The following FAM89A variants were observed in gnomAD, a reference collection of about 807,000 sequenced individuals.
FAM89A encodes the protein family with sequence similarity 89 member A.
Under a neutral mutation model 7.1 loss-of-function variants are expected in FAM89A, and 10 were observed. That is an observed-to-expected ratio of 1.40 (90% CI 0.86 to 2.38). The LOEUF (loss-of-function observed/expected upper bound fraction) is 2.38. FAM89A is among the 30% of genes most tolerant of loss of function. The probability of loss-of-function intolerance (pLI) is 0.00; values close to 1 mark genes in which losing one functional copy is unlikely to be tolerated. For missense variants in FAM89A, 276 were observed against 262.8 expected (o/e 1.05, Z -0.35); for synonymous variants, 157 against 129.3 (o/e 1.21, Z -1.45).
At chr1:231,028,030 G>T (rs1003102920) in intron 1 of FAM89A, among the ~76,000 whole-genome samples, 2 of 152,222 alleles carry the variant, frequency 1.3e-5, no homozygotes, top group African/African-American at 4.8e-5. Context: ...GAAACTCAGA[G>T]CAGACAGGCA....
At chr1:231,021,747 T>C (rs902569940) in intron 1 of FAM89A, 19 of 1,601,842 alleles carry the variant, frequency 1.2e-5, no homozygotes, top group Middle Eastern at 1.7e-4. Context: ...GGAGATGAAA[T>C]TGTTGACCTC....
chr1:231,032,982 CAG>C (rs747098172), intron 1 of FAM89A, among the ~76,000 whole-genome samples: 3 of 152,226 alleles, frequency 2.0e-5, no homozygotes, highest in Non-Finnish European at 4.4e-5. Flanking sequence ...AGGAAGTGAA[CAG>C]AGAGTGCCCA....
rs1305855312 is a variant in FAM89A at position 231,040,250 on chromosome 1, G to C, written c.-39C>G. 1 of 1,024,802 alleles carries C rather than the reference G, an allele frequency of 9.8e-7. No individual in the cohort carries two copies. 63.5% of individuals were successfully genotyped at this position (1,024,802 alleles called of 1,614,324 possible). The stretch of plus-strand genomic sequence containing the variant: ...GGCCACGCGCCTGCCCCGCTGCAGC[G>C]AACCAAGGCTTTCCCCCGGCCCGCC... On this transcript the variant is annotated 5_prime_UTR_variant, in exon 1 of 2. Coordinates refer to ENST00000366654, the MANE Select transcript of FAM89A (RefSeq NM_198552.3).
Position 231,020,094 on chromosome 1 carries a change from G to A in FAM89A, c.324C>T (p.Leu108=). ...ACTCGTAGAGGCTGTACAGTTGGCA[G>A]AGCAAGGACATGTCCAGCTGGCGGA... The part of the protein sequence containing the change: ...VGLRQLDMSL[L]CQLYSLYESI... Residue 108 remains leucine (L), a synonymous_variant, in exon 2 of 2, where the codon CTC becomes CTT. Transcript: ENST00000366654. 2 of 1,613,362 alleles carry A rather than the reference G, an allele frequency of 1.2e-6. No homozygotes were observed. The highest frequency in any genetic ancestry group is 1.7e-6 in the Non-Finnish European group (2 of 1,179,528).
chr1:231,035,082 C>G (rs1441193739), intron 1 of FAM89A, among the ~76,000 whole-genome samples: 1 of 152,176 alleles, frequency 6.6e-6, no homozygotes, highest in Non-Finnish European at 1.5e-5. Flanking sequence ...CTCTTAAAGA[C>G]TAAAACTTCC....
At chr1:231,027,093 G>A (rs1261245162) in intron 1 of FAM89A, 2 of 152,202 alleles carry the variant, frequency 1.3e-5, no homozygotes, top group African/African-American at 4.8e-5. Flanking sequence ...GGTCGGCCCA[G>A]GTAAACACAG....
At chr1:231,026,220 G>A (rs1159939124) in intron 1 of FAM89A, among the ~76,000 whole-genome samples, 1 of 152,110 alleles carries the variant, frequency 6.6e-6, no homozygotes, top group Non-Finnish European at 1.5e-5. Flanking sequence ...ATCCCACTGT[G>A]TTCCTCCCGC....
At chr1:231,022,579 G>A (rs1297483774) in intron 1 of FAM89A, among the ~76,000 whole-genome samples, 1 of 152,106 alleles carries the variant, frequency 6.6e-6, no homozygotes. Flanking sequence ...GCCACACATT[G>A]ACCAAGCCAG....
At chr1:231,024,205 A>G (rs1439528071) in intron 1 of FAM89A, among the ~76,000 whole-genome samples, 1 of 92,040 alleles carries the variant, frequency 1.1e-5, no homozygotes, top group Non-Finnish European at 3.3e-5. Flanking sequence ...TTTGAACCAA[A>G]AAAAAAAAAA....
chr1:231,022,464 G>A (rs2103070482), intron 1 of FAM89A, among the ~76,000 whole-genome samples: 1 of 152,280 alleles, frequency 6.6e-6, no homozygotes, highest in African/African-American at 2.4e-5. Context: ...TCTGGTTGCA[G>A]AACCTGCACA....
At chr1:231,039,851 G>C (rs1680228025) in intron 1 of FAM89A, 70 bp downstream of exon 1, 3 of 1,256,556 alleles carry the variant, frequency 2.4e-6, no homozygotes, top group Admixed American at 8.5e-5. Context: ...GACAGAGCGC[G>C]GTCCCCGCGA....
intron 1 of FAM89A, among the ~76,000 whole-genome samples, chr1:231,033,558 T>G (rs182976218): frequency 8.5e-5 from 13 of 152,284 alleles, no homozygotes; most frequent in Non-Finnish European, 1.8e-4. Context: ...GAGGCACCGC[T>G]GTCTGCAAGG....
At chr1:231,020,883 C>T (rs1354845148) in intron 1 of FAM89A, among the ~76,000 whole-genome samples, 2 of 152,168 alleles carry the variant, frequency 1.3e-5, no homozygotes, top group Admixed American at 6.5e-5. Context: ...TCCCCCACCA[C>T]CCATCCCAGA....
chr1:231,021,612 T>C (rs991000174), intron 1 of FAM89A: 7 of 1,486,294 alleles, frequency 4.7e-6, no homozygotes, highest in Non-Finnish European at 6.6e-6. Context: ...AAGAGCACAA[T>C]GAGTACAAGA....
At chr1:231,033,225 CATATGG>C (rs1680103214) in intron 1 of FAM89A, among the ~76,000 whole-genome samples, 2 of 152,198 alleles carry the variant, frequency 1.3e-5, no homozygotes, top group South Asian at 4.1e-4. Flanking sequence ...GCCAGGGCTC[CATATGG>C]AGAATGACAC....
chr1:231,022,995 G>T (rs1264258152), intron 1 of FAM89A, among the ~76,000 whole-genome samples: 1 of 152,190 alleles, frequency 6.6e-6, no homozygotes, highest in African/African-American at 2.4e-5. Context: ...GCACATGTTT[G>T]GGTGTCCTCT....
At chr1:231,022,175 CAT>C (rs1679891272) in intron 1 of FAM89A, 12 of 1,041,678 alleles carry the variant, frequency 1.2e-5, no homozygotes, top group Non-Finnish European at 6.1e-6. Flanking sequence ...CCACTCCATT[CAT>C]ATATGAAGTA....
At chr1:231,022,007 C>A (rs1017162622) in intron 1 of FAM89A, 1 of 1,335,028 alleles carries the variant, frequency 7.5e-7, no homozygotes, top group Non-Finnish European at 1.1e-6. Context: ...TGTCGGTTGT[C>A]CTATCTGCAT....
At chr1:231,034,283 A>G (rs968477142) in intron 1 of FAM89A, among the ~76,000 whole-genome samples, 2 of 152,166 alleles carry the variant, frequency 1.3e-5, no homozygotes, top group African/African-American at 4.8e-5. Context: ...AGAACCATAG[A>G]GGCATGAGGG....
Sources: gnomAD v4.1 joint callset for allele counts (sites outside exome capture counted in the v4.1 genomes callset) on GRCh38, gnomAD v4.1.1 for gene constraint, MANE v1.5 for transcripts, NCBI Gene and HGNC (gene_info 2026-07-23, HGNC 2026-07-21) for gene names.